Variants in CSMD1 observed in about 807,000 individuals in gnomAD.
CSMD1 encodes the protein CUB and Sushi multiple domains 1.
CSMD1 carries 213 observed loss-of-function variants against 417.5 expected under a neutral mutation model. The ratio of observed to expected loss-of-function variants is 0.51; its 90% CI spans 0.46 to 0.57. CSMD1 has a LOEUF of 0.57. Among genes scored for constraint, CSMD1 ranks in the 20% least tolerant of loss-of-function variants. The pLI is 0.00. For missense variants in CSMD1, 6,923 were observed against 4,529.7 expected, an observed-to-expected ratio of 1.53 and a Z score of -15.17; for synonymous variants, 2,862 against 1,736.8, an observed-to-expected ratio of 1.65 and a Z score of -16.11.
chr8:4,272,647 T>C (rs1006301090), intron 3 of CSMD1, among the ~76,000 whole-genome samples: 12 of 152,332 alleles, frequency 7.9e-5, no homozygotes, highest in African/African-American at 2.6e-4. Context: ...AATTGCATTC[T>C]TCCTAACACT....
At chr8:3,329,095 G>C (rs993892208) in intron 23 of CSMD1, among the ~76,000 whole-genome samples, 4 of 152,116 alleles carry the variant, frequency 2.6e-5, no homozygotes, top group Admixed American at 6.5e-5. Context: ...GAGGGAGAGA[G>C]AAGATGCCAG....
At chr8:3,441,282 T>C (rs28594776) in intron 12 of CSMD1, among the ~76,000 whole-genome samples, 19,127 of 151,932 alleles carry the variant, frequency 0.13, 1,278 homozygotes, top group African/African-American at 0.17. Context: ...ATTTGTATTG[T>C]TTTCAAACAG....
At chr8:3,887,584 G>A (rs541321533) in intron 5 of CSMD1, among the ~76,000 whole-genome samples, 1 of 152,266 alleles carries the variant, frequency 6.6e-6, no homozygotes, top group Non-Finnish European at 1.5e-5. Context: ...CAAGGCCAAG[G>A]AAATTATGTT....
intron 2 of CSMD1, among the ~76,000 whole-genome samples, chr8:4,626,367 G>T (rs1181245423): frequency 6.6e-6 from 1 of 151,902 alleles, no homozygotes; most frequent in Non-Finnish European, 1.5e-5. Flanking sequence ...GATTTCTAAA[G>T]GAAAAAGTAA....
At chr8:4,310,920 A>T (rs1798526428) in intron 3 of CSMD1, among the ~76,000 whole-genome samples, 1 of 152,228 alleles carries the variant, frequency 6.6e-6, no homozygotes, top group African/African-American at 2.4e-5. Context: ...ATCACTAATC[A>T]TTAGAGAAAT....
At position 3,396,243 on chromosome 8, in the gene CSMD1, G is replaced by A; in HGVS notation, c.2544C>T (p.Phe848=). The change falls in exon 17 of 70, where the codon TTC becomes TTT. Residue 848 remains phenylalanine (F), a synonymous_variant. Coordinates refer to ENST00000635120, the MANE Select transcript of CSMD1 (RefSeq NM_033225.6). The part of the protein sequence containing the change: ...ISTGNFMYLL[F]TTDNSRSSIG... ...TGCTGGAGCGGCTGTTGTCAGTGGT[G>A]AACAGCAGGTACATGAAGTTCCCGG... The A allele has an allele frequency of 6.3e-7, 1 of 1,576,602 alleles. No individual in the cohort carries two copies. Among genetic ancestry groups the A allele is most frequent in the Non-Finnish European group, 8.6e-7 (1 of 1,161,000 alleles).
chr8:4,082,795 T>C (rs1341014939), intron 3 of CSMD1, among the ~76,000 whole-genome samples: 1 of 126,016 alleles, frequency 7.9e-6, no homozygotes, highest in Non-Finnish European at 1.6e-5. Flanking sequence ...CCCCACAATG[T>C]GATGTTCCCT....
intron 1 of CSMD1, among the ~76,000 whole-genome samples, chr8:4,872,016 T>C (rs1802764623): frequency 6.6e-6 from 1 of 152,130 alleles, no homozygotes; most frequent in Admixed American, 6.6e-5. Flanking sequence ...GCTGATCATT[T>C]GCAAAATCCT....
At chr8:3,155,834 G>C (rs1000769541) in intron 39 of CSMD1, among the ~76,000 whole-genome samples, 1 of 152,178 alleles carries the variant, frequency 6.6e-6, no homozygotes, top group Admixed American at 6.5e-5. Flanking sequence ...AACATAAACA[G>C]ACGTTCTCTC....
chr8:4,700,671 T>C (rs1415047080), intron 1 of CSMD1, among the ~76,000 whole-genome samples: 3 of 152,278 alleles, frequency 2.0e-5, no homozygotes, highest in Admixed American at 6.5e-5. Flanking sequence ...ATAAAGAGAA[T>C]ATACTATATT....
intron 6 of CSMD1, among the ~76,000 whole-genome samples, chr8:3,744,301 C>T (rs1172156520): frequency 1.3e-5 from 2 of 152,116 alleles, no homozygotes; most frequent in Non-Finnish European, 2.9e-5. Context: ...GATGGGGACA[C>T]AGCACGGAGA....
rs1389710918 is a variant in CSMD1 at position 4,783,295 on chromosome 8, A to C, written c.86-145737T>G. Among the ~76,000 whole-genome samples the C allele has an allele frequency of 2.6e-5, 4 of 152,166 alleles. No homozygotes were observed. The South Asian group carries it at 6.2e-4, about 24-fold the overall frequency. ...GTGAATAATACACTCAAAACCACAC[A>C]AGGTAAAACTGTCCTCCAGCCAGAG... On this transcript the variant is annotated intron_variant, in intron 1 of 69. Transcript: ENST00000635120.
intron 2 of CSMD1, among the ~76,000 whole-genome samples, chr8:4,452,712 T>G (rs1391763655): frequency 6.6e-6 from 1 of 152,184 alleles, no homozygotes; most frequent in African/African-American, 2.4e-5. Context: ...CAATTACATT[T>G]AAATCAACAC....
At chr8:3,137,550 A>T (rs151161300) in intron 41 of CSMD1, among the ~76,000 whole-genome samples, 1 of 152,336 alleles carries the variant, frequency 6.6e-6, no homozygotes, top group African/African-American at 2.4e-5. Context: ...TTAAACATAG[A>T]AATACAGTTG....
At chr8:4,561,182 C>A (rs1798314215) in intron 2 of CSMD1, among the ~76,000 whole-genome samples, 1 of 152,070 alleles carries the variant, frequency 6.6e-6, no homozygotes, top group Non-Finnish European at 1.5e-5. Flanking sequence ...CCATCCTGGC[C>A]AACCTGGTGA....
intron 10 of CSMD1, among the ~76,000 whole-genome samples, chr8:3,537,349 T>C (rs1463186867): frequency 6.6e-6 from 1 of 152,120 alleles, no homozygotes; most frequent in Admixed American, 6.5e-5. Flanking sequence ...CCTGTATGAG[T>C]TTTTATTGTT....
chr8:4,334,960 G>A (rs914994458), intron 3 of CSMD1, among the ~76,000 whole-genome samples: 2 of 152,114 alleles, frequency 1.3e-5, no homozygotes, highest in African/African-American at 2.4e-5. Flanking sequence ...TCACATGACA[G>A]TAAAACCAGT....
intron 1 of CSMD1, among the ~76,000 whole-genome samples, chr8:4,806,545 G>C (rs1216201266): frequency 6.6e-6 from 1 of 152,118 alleles, no homozygotes; most frequent in Non-Finnish European, 1.5e-5. Context: ...CGTGCTACTA[G>C]CATATTAACA....
At chr8:4,759,164 C>G (rs1460107588) in intron 1 of CSMD1, among the ~76,000 whole-genome samples, 1 of 152,162 alleles carries the variant, frequency 6.6e-6, no homozygotes, top group Non-Finnish European at 1.5e-5. Context: ...CTCAGCCTGC[C>G]TGCAGCTATA....
Sources: allele counts gnomAD v4.1 joint callset (sites outside exome capture counted in the v4.1 genomes callset), GRCh38; gene constraint gnomAD v4.1.1; transcripts MANE v1.5; gene names NCBI Gene and HGNC (gene_info 2026-07-23, HGNC 2026-07-21).